Variants in CNBD1 observed in about 807,000 individuals in gnomAD.
The protein encoded by CNBD1 is cyclic nucleotide binding domain containing 1.
CNBD1 carries 71 observed loss-of-function variants against 54.4 expected under a neutral mutation model. That is an observed-to-expected ratio of 1.30 (90% CI 1.08 to 1.59). The LOEUF is 1.59. Ranked by LOEUF, CNBD1 falls within the 40% of genes most tolerant of loss-of-function variation. CNBD1 has a pLI of 0.00. For missense variants in CNBD1, 659 were observed against 518.0 expected, an observed-to-expected ratio of 1.27 and a Z score of -2.64; for synonymous variants, 182 against 170.7, an observed-to-expected ratio of 1.07 and a Z score of -0.51.
intron 4 of CNBD1, among the ~76,000 whole-genome samples, chr8:87,157,605 T>C (rs1210379419): frequency 2.6e-5 from 4 of 152,182 alleles, no homozygotes; most frequent in African/African-American, 9.7e-5. Context: ...TGTTCCTCCT[T>C]CTGCCCTTCT....
intron 5 of CNBD1, among the ~76,000 whole-genome samples, chr8:87,223,734 C>T (rs1287782939): frequency 5.3e-5 from 8 of 151,792 alleles, no homozygotes; most frequent in Middle Eastern, 3.4e-3. Flanking sequence ...CAGCATGATT[C>T]ATAGTCCTTT....
intron 1 of CNBD1, among the ~76,000 whole-genome samples, chr8:86,880,439 G>T (rs1433633898): frequency 6.6e-6 from 1 of 152,114 alleles, no homozygotes; most frequent in Non-Finnish European, 1.5e-5. Flanking sequence ...GGTATTAAAA[G>T]TGATCTAGAG....
chr8:87,213,795 A>G (rs1814151905), intron 5 of CNBD1, among the ~76,000 whole-genome samples: 1 of 152,202 alleles, frequency 6.6e-6, no homozygotes, highest in Admixed American at 6.5e-5. Context: ...CATTAACGCA[A>G]AAGTCCACAG....
intron 5 of CNBD1, among the ~76,000 whole-genome samples, chr8:87,211,647 G>T (rs555791391): frequency 6.6e-6 from 1 of 152,240 alleles, no homozygotes; most frequent in South Asian, 2.1e-4. Flanking sequence ...CTCTCTCCAT[G>T]TGATGCGTCT....
In CNBD1 at chr8:87,421,081, C is replaced by T. The variant is rs1043596841; in HGVS notation, c.214-7465C>T. Among the ~76,000 whole-genome samples, 8 of 152,032 alleles carry T rather than the reference C, an allele frequency of 5.3e-5. No individual in the cohort carries two copies. In the East Asian group the frequency reaches 1.6e-3, roughly 30 times the overall value. On this transcript the variant is annotated intron_variant, in intron 2 of 7. Coordinates refer to the CNBD1 transcript ENST00000521593. The stretch of plus-strand genomic sequence containing the variant: ...TTCATAATTTTAAACATTTGGTTCT[C>T]AATAGTAGATAGATATTTTTTCAAT...
chr8:86,949,771 G>GTGGAGAT (rs1807557937), intron 4 of CNBD1, among the ~76,000 whole-genome samples: 1 of 151,856 alleles, frequency 6.6e-6, no homozygotes. Context: ...AGTGGTGAAA[G>GTGGAGAT]TGGAGATCTT....
chr8:87,051,771 C>T (rs1810316665), intron 4 of CNBD1, among the ~76,000 whole-genome samples: 1 of 152,200 alleles, frequency 6.6e-6, no homozygotes, highest in Non-Finnish European at 1.5e-5. Flanking sequence ...GGTAAACCCA[C>T]AACCTTCCAG....
At chr8:87,126,990 T>A (rs932959869) in intron 4 of CNBD1, among the ~76,000 whole-genome samples, 4 of 151,756 alleles carry the variant, frequency 2.6e-5, no homozygotes. Context: ...GACAGGGTAA[T>A]AGATGAGTGA....
At chr8:87,217,967 G>A (rs1353484261) in intron 5 of CNBD1, among the ~76,000 whole-genome samples, 1 of 152,052 alleles carries the variant, frequency 6.6e-6, no homozygotes, top group Non-Finnish European at 1.5e-5. Context: ...AAAGCTTGAT[G>A]GTATATAACT....
In CNBD1 at chr8:87,351,671, T is replaced by G; in HGVS notation, c.1043-14T>G. ...ACAAGAATGTGTGAAATGAACTATC[T>G]CTCTTCTTTTCAGTGATAGTGGAAA... is the stretch of plus-strand genomic sequence containing the variant. On this transcript the variant is annotated splice_polypyrimidine_tract_variant and intron_variant, in intron 8 of 10. Transcript: ENST00000518476. 6 of 1,477,296 alleles carry G rather than the reference T, an allele frequency of 4.1e-6. No homozygotes were observed. The highest frequency in any genetic ancestry group is 5.4e-6 in the Non-Finnish European group (6 of 1,116,262). 91.5% of individuals were successfully genotyped at this position (1,477,296 alleles called of 1,614,324 possible).
At chr8:87,029,610 A>G (rs940566873) in intron 4 of CNBD1, among the ~76,000 whole-genome samples, 1 of 152,142 alleles carries the variant, frequency 6.6e-6, no homozygotes, top group African/African-American at 2.4e-5. Flanking sequence ...AATGCCAGAA[A>G]CCAAAGCAGA....
intron 6 of CNBD1, among the ~76,000 whole-genome samples, chr8:87,242,849 A>T (rs1022402128): frequency 6.6e-6 from 1 of 152,196 alleles, no homozygotes; most frequent in African/African-American, 2.4e-5. Flanking sequence ...GTTGATATTT[A>T]TATTCTTAAT....
chr8:87,085,426 GTCTT>G (rs1477571607), intron 4 of CNBD1, among the ~76,000 whole-genome samples: 1 of 151,954 alleles, frequency 6.6e-6, no homozygotes, highest in Non-Finnish European at 1.5e-5. Context: ...AATTTATTGA[GTCTT>G]TTTTTTATTT....
intron 4 of CNBD1, among the ~76,000 whole-genome samples, chr8:87,043,079 C>A (rs770708857): frequency 8.5e-5 from 13 of 152,096 alleles, no homozygotes; most frequent in Non-Finnish European, 7.3e-5. Context: ...CTGCAACAGG[C>A]AGCACAGCAG....
At chr8:86,932,804 GA>G (rs946765558) in intron 3 of CNBD1, among the ~76,000 whole-genome samples, 7 of 150,748 alleles carry the variant, frequency 4.6e-5, no homozygotes, top group Non-Finnish European at 1.0e-4. Context: ...CCATCTGAAA[GA>G]AAAAAAACTG....
chr8:86,983,652 TTG>T (rs1288863219), intron 4 of CNBD1, among the ~76,000 whole-genome samples: 1 of 152,162 alleles, frequency 6.6e-6, no homozygotes, highest in Non-Finnish European at 1.5e-5. Flanking sequence ...AAGACAACTC[TTG>T]TTATGTTTTA....
intron 5 of CNBD1, among the ~76,000 whole-genome samples, chr8:87,222,552 T>C (rs1451233839): frequency 6.6e-6 from 1 of 152,110 alleles, no homozygotes; most frequent in Non-Finnish European, 1.5e-5. Flanking sequence ...AACTCAATTT[T>C]ATAGGGCAAG....
intron 10 of CNBD1, among the ~76,000 whole-genome samples, chr8:87,366,925 C>T (rs1360583114): frequency 6.6e-6 from 1 of 151,998 alleles, no homozygotes; most frequent in African/African-American, 2.4e-5. Flanking sequence ...TTCTAGTGAG[C>T]ACCTTCAAAG....
chr8:86,954,227 A>G (rs1002881579), intron 4 of CNBD1, among the ~76,000 whole-genome samples: 3 of 152,228 alleles, frequency 2.0e-5, no homozygotes, highest in African/African-American at 4.8e-5. Context: ...TTAGTCTATT[A>G]ATGTCAACCC....
Sources: allele counts gnomAD v4.1 joint callset (sites outside exome capture counted in the v4.1 genomes callset), GRCh38; gene constraint gnomAD v4.1.1; transcripts MANE v1.5; gene names NCBI Gene and HGNC (gene_info 2026-07-23, HGNC 2026-07-21).